WBP4: variants seen among roughly 807,000 people sequenced by gnomAD.
The protein encoded by WBP4 is WW domain-binding protein 4.
In WBP4, 37 loss-of-function variants were observed where a neutral mutation model predicts 55.4. That is an observed-to-expected ratio of 0.67 (90% CI 0.51 to 0.88). The LOEUF is 0.88. Among genes scored for constraint, WBP4 ranks in the 40% least tolerant of loss-of-function variants. WBP4 has a pLI of 0.00. For synonymous variants in WBP4, 142 were observed against 140.2 expected (o/e 1.01, Z -0.09); for missense variants, 398 against 420.8 (o/e 0.95, Z 0.47).
intron 7 of WBP4, among the ~76,000 whole-genome samples, chr13:41,075,102 T>G (rs1460750989): frequency 6.6e-6 from 1 of 152,218 alleles, no homozygotes; most frequent in Non-Finnish European, 1.5e-5. Context: ...TGGTTTGCCT[T>G]GAATGATTTT....
At chr13:41,073,440 G>A (rs1448417495) in intron 7 of WBP4, among the ~76,000 whole-genome samples, 3 of 151,930 alleles carry the variant, frequency 2.0e-5, no homozygotes, top group African/African-American at 7.3e-5. Flanking sequence ...TTGTACCTGG[G>A]AGGCGGAGGT....
intron 4 of WBP4, among the ~76,000 whole-genome samples, chr13:41,067,969 CA>C (rs1471637422): frequency 6.6e-6 from 1 of 152,106 alleles, no homozygotes; most frequent in East Asian, 1.9e-4. Flanking sequence ...TAGTGGGGAA[CA>C]GCTTTACTTT....
chr13:41,065,056 A>T lies in WBP4; in HGVS notation c.116A>T (p.Asn39Ile). 1 of 1,595,626 alleles carries T rather than the reference A, an allele frequency of 6.3e-7. No individual in the cohort carries two copies. The highest frequency in any genetic ancestry group is 1.2e-5 in the South Asian group (1 of 85,912). The change falls in exon 3 of 10, where the codon AAT becomes ATT. Residue 39 changes from asparagine (N) to isoleucine (I), a missense_variant. Asn to Ile is a moderately radical substitution (Grantham distance 149). Transcript: ENST00000379487. ...FHERGKNHKE[N>I]VAKRISEIKQ... The stretch of plus-strand genomic sequence containing the variant: ...GAAAGAGGAAAGAATCATAAGGAAA[A>T]TGTGGCAAAAAGGATCAGTGAGGTA...
intron 7 of WBP4, among the ~76,000 whole-genome samples, chr13:41,074,090 C>G (rs1394266216): frequency 6.6e-6 from 1 of 151,894 alleles, no homozygotes; most frequent in African/African-American, 2.4e-5. Flanking sequence ...AGCCACTTCG[C>G]CAGGCTAATT....
At chr13:41,062,078 G>T in intron 1 of WBP4, 11 of 921,506 alleles carry the variant, frequency 1.2e-5, no homozygotes, top group Non-Finnish European at 1.4e-5. Flanking sequence ...GAAGCGGCCA[G>T]CCCTGGATAG....
chr13:41,065,840 G>A (rs1877950383), intron 4 of WBP4, among the ~76,000 whole-genome samples: 1 of 152,108 alleles, frequency 6.6e-6, no homozygotes, highest in African/African-American at 2.4e-5. Context: ...TTGAATTTAG[G>A]CTTTAAACTG....
chr13:41,077,243 C>G (rs1655890377), intron 8 of WBP4, among the ~76,000 whole-genome samples: 1 of 152,066 alleles, frequency 6.6e-6, no homozygotes, highest in African/African-American at 2.4e-5. Context: ...AGATAAAAAG[C>G]ATTTGTTAAA....
intron 7 of WBP4, among the ~76,000 whole-genome samples, chr13:41,074,495 T>C (rs1312138151): frequency 3.9e-5 from 6 of 152,192 alleles, no homozygotes; most frequent in African/African-American, 1.4e-4. Context: ...TATAAAATAG[T>C]ATAGTGATAT....
At chr13:41,065,407 T>G (rs1197695779) in intron 4 of WBP4, 120 bp downstream of exon 4, 1 of 1,338,750 alleles carries the variant, frequency 7.5e-7, no homozygotes, top group Non-Finnish European at 9.8e-7. Context: ...CTCTCAGTGC[T>G]TTTATTATGC....
At chr13:41,062,124 T>G (rs1877695799) in intron 1 of WBP4, 10 of 955,592 alleles carry the variant, frequency 1.0e-5, no homozygotes, top group East Asian at 1.2e-4. Flanking sequence ...TTTTTTTTTT[T>G]GTCGGCCGTC....
At chr13:41,063,478 T>C (rs1231228174) in intron 2 of WBP4, among the ~76,000 whole-genome samples, 1 of 152,096 alleles carries the variant, frequency 6.6e-6, no homozygotes. Context: ...ATTTGGATTT[T>C]TTTTTGATGT....
chr13:41,072,945 AT>A, intron 7 of WBP4, 88 bp downstream of exon 7: 1 of 989,392 alleles, frequency 1.0e-6, no homozygotes, highest in Non-Finnish European at 1.5e-6. Context: ...GAACTTGGAA[AT>A]TTTAGTATAC....
At position 41,083,913 on chromosome 13, in the gene WBP4, G is replaced by T. The variant is rs894095259; in HGVS notation, c.*999G>T. ...CACAAAATTACATTTCTCATAAATT[G>T]TATAGTATTTAACTTATAATAGTTA... On this transcript the variant is annotated 3_prime_UTR_variant, in exon 10 of 10. Transcript: ENST00000379487. 6.6e-6 allele frequency: 1 copy of T among 152,086 alleles called. No homozygotes were observed. The highest frequency in any genetic ancestry group is 2.4e-5 in the African/African-American group (1 of 41,412). 9.4% of individuals were successfully genotyped at this position (152,086 alleles called of 1,614,324 possible). A position where few individuals can be genotyped will look rare whatever the true frequency, so the allele number is the denominator to read the frequency against.
chr13:41,076,267 A>AAAT (rs1163211839), intron 8 of WBP4, 30 bp downstream of exon 8: 2 of 1,293,126 alleles, frequency 1.5e-6, no homozygotes, highest in East Asian at 5.9e-5. Flanking sequence ...TCTTCACATC[A>AAAT]AATTTTTTTT....
In WBP4 at chr13:41,083,425, C is replaced by G. The variant is rs1878874238; in HGVS notation, c.*511C>G. ...CCTTACTCAATTTAAAGTCAAAAGCCAACAGCCAGGAGCAGCTCAGGTACT... is the reference window on the plus strand; with the variant it reads ...CCTTACTCAATTTAAAGTCAAAAGCGAACAGCCAGGAGCAGCTCAGGTACT... On this transcript the variant is annotated 3_prime_UTR_variant, in exon 10 of 10. Transcript: ENST00000379487. 6.4e-6 allele frequency: 1 copy of G among 156,556 alleles called. No individual in the cohort carries two copies. The allele number at this position is 156,556 out of a possible 1,614,324, so 9.7% of individuals were successfully genotyped here.
At chr13:41,063,811 CAGG>C (rs1195639284) in intron 2 of WBP4, among the ~76,000 whole-genome samples, 1 of 152,090 alleles carries the variant, frequency 6.6e-6, no homozygotes, top group Non-Finnish European at 1.5e-5. Flanking sequence ...GTATGAAAAA[CAGG>C]AGGATTATCT....
Position 41,072,800 on chromosome 13 carries a change from T to G in WBP4, c.505T>G (p.Trp169Gly), listed in dbSNP as rs757697182. ...DLKKTAVKTVWVEGLSEDGFT... is the reference protein window; with the variant it reads ...DLKKTAVKTVGVEGLSEDGFT... ...CTATTAGACAGCAGTGAAGACCGTT[T>G]GGGTAGAAGGTTTAAGTGAAGATGG... The change falls in exon 7 of 10, where the codon TGG (tryptophan) becomes GGG (glycine). Residue 169 changes from tryptophan to glycine, a missense_variant. Transcript: ENST00000379487. 3.7e-6 allele frequency: 6 copies of G among 1,613,616 alleles called. No homozygotes were observed. The highest frequency in any genetic ancestry group is 3.3e-5 in the Admixed American group (2 of 59,934).
chr13:41,061,755 T>A lies in WBP4; in HGVS notation c.2+80T>A, dbSNP rs543258072. On this transcript the variant is annotated intron_variant, in intron 1 of 9. Coordinates refer to ENST00000379487, the MANE Select transcript of WBP4 (RefSeq NM_007187.5). ...TTCTCGCCCGGGTCTTCCCCTCCTC[T>A]CCTCCCGCCCTTCGGCCGGGGGCGT... 5.0e-6 allele frequency: 8 copies of A among 1,601,074 alleles called. No individual in the cohort carries two copies. The South Asian group carries it at 7.8e-5, about 16-fold the overall frequency.
intron 8 of WBP4, among the ~76,000 whole-genome samples, chr13:41,079,055 A>G (rs1425532278): frequency 2.6e-5 from 4 of 152,178 alleles, no homozygotes; most frequent in African/African-American, 9.7e-5. Context: ...TTTGCAAACT[A>G]TGCATCCAAC....
Sources: allele counts gnomAD v4.1 joint callset (sites outside exome capture counted in the v4.1 genomes callset), GRCh38; gene constraint gnomAD v4.1.1; transcripts MANE v1.5; gene names NCBI Gene and HGNC (gene_info 2026-07-23, HGNC 2026-07-21).